E2F8: variants seen among roughly 807,000 people sequenced by gnomAD.
E2F8 encodes the protein transcription factor E2F8.
A neutral mutation model predicts 80.8 loss-of-function variants in E2F8; 35 were observed. The observed-to-expected ratio is 0.43, with a 90% CI of 0.33 to 0.57. The LOEUF is 0.57. Among genes scored for constraint, E2F8 ranks in the 20% least tolerant of loss-of-function variants. The pLI is 0.04. For synonymous variants in E2F8, 386 were observed against 395.0 expected (o/e 0.98, Z 0.27); for missense variants, 975 against 1,056.2 (o/e 0.92, Z 1.07).
At chr11:19,227,255 TTTC>T (rs2133556316) in intron 10 of E2F8, among the ~76,000 whole-genome samples, 1 of 152,304 alleles carries the variant, frequency 6.6e-6, no homozygotes, top group Non-Finnish European at 1.5e-5. Context: ...TTTAATTTTG[TTTC>T]TTAAGTACTT....
intron 7 of E2F8, 108 bp downstream of exon 7, chr11:19,232,126 A>C (rs1851398502): frequency 3.4e-6 from 5 of 1,465,834 alleles, no homozygotes; most frequent in Non-Finnish European, 4.6e-6. Context: ...GAGTTGAACA[A>C]TGAGAACACA....
At chr11:19,234,145 T>TAAAAAAA (rs967973962) in intron 6 of E2F8, among the ~76,000 whole-genome samples, 2 of 92,568 alleles carry the variant, frequency 2.2e-5, no homozygotes, top group Non-Finnish European at 4.1e-5. Flanking sequence ...AGACTCCGTC[T>TAAAAAAA]AAAAAAAAAA....
chr11:19,239,017 T>G (rs552197949), intron 2 of E2F8, among the ~76,000 whole-genome samples: 1 of 152,348 alleles, frequency 6.6e-6, no homozygotes, highest in South Asian at 2.1e-4. Context: ...CTTCCAGTTT[T>G]GGACACCAGG....
chr11:19,228,629 G>A (rs1565067251), intron 10 of E2F8, among the ~76,000 whole-genome samples: 2 of 152,184 alleles, frequency 1.3e-5, no homozygotes, highest in South Asian at 2.1e-4. Context: ...TTACCGATGC[G>A]GAAAAATAAG....
At chr11:19,231,076 G>C (rs1337812625) in intron 7 of E2F8, among the ~76,000 whole-genome samples, 1 of 152,188 alleles carries the variant, frequency 6.6e-6, no homozygotes. Flanking sequence ...TGGTGTGCTA[G>C]AGTGTAGTTA....
At chr11:19,232,609 G>T (rs891539660) in intron 6 of E2F8, among the ~76,000 whole-genome samples, 1 of 151,822 alleles carries the variant, frequency 6.6e-6, no homozygotes, top group Non-Finnish European at 1.5e-5. Context: ...AATAGCATAC[G>T]TTGACAAAGG....
chr11:19,228,661 T>C (rs1250505900), intron 10 of E2F8, among the ~76,000 whole-genome samples: 2 of 152,202 alleles, frequency 1.3e-5, no homozygotes, highest in Non-Finnish European at 2.9e-5. Flanking sequence ...TAAAATAGCT[T>C]GTATTAAGAG....
Position 19,229,479 on chromosome 11 carries a change from A to G in E2F8, c.1868T>C (p.Leu623Pro). 1 of 1,613,946 alleles carries G rather than the reference A, an allele frequency of 6.2e-7. No individual in the cohort carries two copies. The highest frequency in any genetic ancestry group is 8.5e-7 in the Non-Finnish European group (1 of 1,179,966). ...TGCGGAGACATTTTCAAGTCCTTTT[A>G]GGTCCTCTTTAAATTTCTTTTTGGA... ...SGSKKKFKED[L>P]KGLENVSATL... Residue 623 changes from leucine to proline, a missense_variant, in exon 10 of 13, where the codon CTA becomes CCA. Leu to Pro is a moderately conservative substitution (Grantham distance 98, BLOSUM62 -3). Transcript: ENST00000250024. This position sits in a 1 kb window ranked among gnomAD's most constrained non-coding sequence, Gnocchi z 4.3.
At position 19,234,931 on chromosome 11, in the gene E2F8, C is replaced by T; in HGVS notation, c.579G>A (p.Leu193=). Residue 193 remains leucine, a synonymous_variant, in exon 5 of 13, where the codon TTG becomes TTA. Transcript: ENST00000250024. ...RHNLNKTLGT[L]KSIGEENKYA... is the part of the protein sequence containing the mutation. ...ACTTATTCTCCTCCCCGATGCTCTT[C>T]AAGGTGCCAAGGGTTTTGTTGAGAT... The T allele has an allele frequency of 1.2e-6, 2 of 1,614,216 alleles. No individual in the cohort carries two copies. Among genetic ancestry groups the T allele is most frequent in the Non-Finnish European group, 1.7e-6 (2 of 1,180,036 alleles).
rs1851355256 is a variant in E2F8 at position 19,230,712 on chromosome 11, G to C, written c.1189C>G (p.Leu397Val). Reference sequence around the variant, plus strand: ...TCTATACTCTTTACCAATTTGATAAGAGATGGGTGTCGAGTAAAGTTTGGT... The same window carrying C: ...TCTATACTCTTTACCAATTTGATAACAGATGGGTGTCGAGTAAAGTTTGGT... Reference protein sequence around the residue: ...GKPNFTRHPSLIKLVKSIESD... With the variant: ...GKPNFTRHPSVIKLVKSIESD... Residue 397 changes from leucine to valine, a missense_variant, in exon 8 of 13, where the codon CTT (leucine) becomes GTT (valine). Coordinates refer to ENST00000250024, the MANE Select transcript of E2F8 (RefSeq NM_024680.4). 6.2e-7 allele frequency: 1 copy of C among 1,614,066 alleles called. No individual in the cohort carries two copies. The highest frequency in any genetic ancestry group is 1.3e-5 in the African/African-American group (1 of 74,922).
Position 19,229,695 on chromosome 11 carries a change from T to C in E2F8, c.1652A>G (p.Lys551Arg), listed in dbSNP as rs1313164622. 1 of 1,614,020 alleles carries C rather than the reference T, an allele frequency of 6.2e-7. No homozygotes were observed. The highest frequency in any genetic ancestry group is 8.5e-7 in the Non-Finnish European group (1 of 1,180,040). The part of the protein sequence containing the change: ...SPTVCTTHSS[K>R]ATGSKDSTDA... The stretch of plus-strand genomic sequence containing the variant: ...TGTGGAGTCTTTTGAGCCAGTAGCT[T>C]TAGAAGAGTGGGTGGTGCACACCGT... The change falls in exon 10 of 13, where the codon AAA becomes AGA. Residue 551 changes from lysine to arginine, a missense_variant. Lys to Arg is a conservative substitution (Grantham distance 26). Coordinates refer to ENST00000250024, the MANE Select transcript of E2F8 (RefSeq NM_024680.4). This position sits in a 1 kb window ranked among gnomAD's most constrained non-coding sequence, Gnocchi z 4.3.
At chr11:19,225,132 G>T in intron 12 of E2F8, 89 bp downstream of exon 12, 1 of 1,512,718 alleles carries the variant, frequency 6.6e-7, no homozygotes, top group Non-Finnish European at 8.8e-7. Context: ...CCTCTCCAAA[G>T]AGGAAAAGCA....
Position 19,225,829 on chromosome 11 carries a change from C to T in E2F8, c.1929G>A (p.Thr643=), listed in dbSNP as rs756375694. Residue 643 remains threonine (T), a synonymous_variant, in exon 11 of 13, where the codon ACG becomes ACA. Transcript: ENST00000250024. ...LFPSGYLIPL[T]QCSSLGAESI... is the part of the protein sequence containing the mutation. The stretch of plus-strand genomic sequence containing the variant: ...ACTCTGCCCCCAGGGATGAGCACTG[C>T]GTGAGAGGGATTAGGTATCCTGATG... The T allele has an allele frequency of 3.0e-5, 48 of 1,613,940 alleles. 1 individual carries two copies. In the African/African-American group the frequency reaches 3.1e-4, roughly 10 times the overall value.
Position 19,225,734 on chromosome 11 carries a change from G to A in E2F8, c.2024C>T (p.Ala675Val). 6.2e-7 allele frequency: 1 copy of A among 1,614,176 alleles called. No individual in the cohort carries two copies. The highest frequency in any genetic ancestry group is 8.5e-7 in the Non-Finnish European group (1 of 1,180,034). The change falls in exon 11 of 13, where the codon GCA becomes GTA. Residue 675 changes from alanine to valine, a missense_variant and splice_region_variant. Coordinates refer to ENST00000250024, the MANE Select transcript of E2F8 (RefSeq NM_024680.4). ...PNHRIYSSPI[A>V]GVIPVTSSEL... ...GTTAGTGTTTTATGTGCACTCACCT[G>A]CAATTGGGGAGCTGTAAATCCTGTG... is the stretch of plus-strand genomic sequence containing the variant.
chr11:19,238,456 A>AGAAGATTTAGAGAAGAG (rs1257037439), intron 2 of E2F8, among the ~76,000 whole-genome samples: 1 of 152,232 alleles, frequency 6.6e-6, no homozygotes, highest in African/African-American at 2.4e-5. Context: ...GAAGAGAAGC[A>AGAAGATTTAGAGAAGAG]AAGACAGTAT....
In E2F8 at chr11:19,234,952, G is replaced by C; in HGVS notation, c.558C>G (p.Leu186=). ...TCTTCAAGGTGCCAAGGGTTTTGTT[G>C]AGATTGTGTCGCCCGTGCCAAGTGT... ...NRYTWHGRHN[L]NKTLGTLKSI... Residue 186 remains leucine, a synonymous_variant, in exon 5 of 13, where the codon CTC becomes CTG. Transcript: ENST00000250024. 1 of 1,614,200 alleles carries C rather than the reference G, an allele frequency of 6.2e-7. No homozygotes were observed. The highest frequency in any genetic ancestry group is 8.5e-7 in the Non-Finnish European group (1 of 1,180,042).
chr11:19,240,269 C>A (rs1327698015), intron 1 of E2F8, 39 bp from the exon 2 acceptor site: 6 of 443,694 alleles, frequency 1.4e-5, no homozygotes, highest in Non-Finnish European at 2.3e-5. Context: ...TAGAGAAAAA[C>A]AAGAACCAAA....
In E2F8 at chr11:19,234,996, G is replaced by A; in HGVS notation, c.514C>T (p.Arg172Cys). Residue 172 changes from arginine (R) to cysteine (C), a missense_variant, in exon 5 of 13, where the codon CGC (arginine) becomes TGC (cysteine). Coordinates refer to ENST00000250024, the MANE Select transcript of E2F8 (RefSeq NM_024680.4). ...CAAGTGTACCTGTTTTTGGCGAGGCGGCTCACCATATGTAAACTCTCTAGG... is the reference window on the plus strand; with the variant it reads ...CAAGTGTACCTGTTTTTGGCGAGGCAGCTCACCATATGTAAACTCTCTAGG... ...NVLESLHMVS[R>C]LAKNRYTWHG... 6.2e-7 allele frequency: 1 copy of A among 1,614,160 alleles called. No homozygotes were observed. Among genetic ancestry groups the A allele is most frequent in the Non-Finnish European group, 8.5e-7 (1 of 1,180,024 alleles).
chr11:19,237,200 C>T (rs766210082), intron 4 of E2F8, 114 bp downstream of exon 4: 81 of 1,038,104 alleles, frequency 7.8e-5, no homozygotes, highest in Middle Eastern at 2.0e-4. Context: ...ATTTCCATGC[C>T]GGCTTATTTG....
Sources: allele counts gnomAD v4.1 joint callset (sites outside exome capture counted in the v4.1 genomes callset), GRCh38; gene constraint gnomAD v4.1.1; non-coding constraint Gnocchi (gnomAD v3.1); transcripts MANE v1.5; gene names NCBI Gene and HGNC (gene_info 2026-07-23, HGNC 2026-07-21).